Variants in ATG4B observed in about 807,000 individuals in gnomAD.
ATG4B encodes the protein cysteine protease ATG4B.
ATG4B carries 29 observed loss-of-function variants against 56.6 expected under a neutral mutation model. The ratio of observed to expected loss-of-function variants is 0.51; its 90% confidence interval spans 0.38 to 0.70. The LOEUF is 0.70. Ranked by LOEUF, ATG4B falls within the 30% of genes least tolerant of loss-of-function variation. ATG4B has a pLI of 0.00. For missense variants in ATG4B, 461 were observed against 515.5 expected (o/e 0.89, Z 1.02); for synonymous variants, 224 against 206.1 (o/e 1.09, Z -0.74).
intron 1 of ATG4B, among the ~76,000 whole-genome samples, chr2:241,643,661 TAC>T (rs1339245702): frequency 5.0e-5 from 4 of 80,590 alleles, no homozygotes; most frequent in Admixed American, 1.2e-4. Context: ...AATATATATA[TAC>T]GTGTGTGTGT....
chr2:241,654,675 C>T (rs1446728831), intron 5 of ATG4B, 28 bp downstream of exon 5: 1 of 1,554,152 alleles, frequency 6.4e-7, no homozygotes, highest in Non-Finnish European at 8.7e-7. Context: ...GTGCCAGGCC[C>T]CACCCGGGCT....
At chr2:241,643,592 A>G (rs1339172836) in intron 1 of ATG4B, among the ~76,000 whole-genome samples, 1 of 149,550 alleles carries the variant, frequency 6.7e-6, no homozygotes, top group Admixed American at 6.7e-5. Context: ...ATATGTACAT[A>G]TATATATAAA....
At chr2:241,671,587 C>T (rs1333151666) in intron 12 of ATG4B, 182 bp downstream of exon 12, 1 of 1,518,794 alleles carries the variant, frequency 6.6e-7, no homozygotes, top group Non-Finnish European at 8.8e-7. Context: ...CAAGCTTGCG[C>T]CCAGCAGCCC....
intron 10 of ATG4B, among the ~76,000 whole-genome samples, chr2:241,670,111 T>C (rs1211717519): frequency 6.6e-6 from 1 of 152,110 alleles, no homozygotes; most frequent in Non-Finnish European, 1.5e-5. Context: ...GGGAAGAGAG[T>C]GCCCAGTTTG....
intron 4 of ATG4B, among the ~76,000 whole-genome samples, chr2:241,653,959 C>T (rs1230316154): frequency 1.4e-5 from 2 of 145,772 alleles, no homozygotes; most frequent in South Asian, 4.4e-4. Flanking sequence ...CCACTGCGCT[C>T]CAGCCTCTGC....
At chr2:241,654,091 A>G (rs1483527965) in intron 4 of ATG4B, among the ~76,000 whole-genome samples, 1 of 151,956 alleles carries the variant, frequency 6.6e-6, no homozygotes, top group Admixed American at 6.6e-5. Context: ...CTTGGCGTAT[A>G]TGTATTTGAA....
intron 1 of ATG4B, 88 bp downstream of exon 1, chr2:241,637,812 G>A (rs2125105572): frequency 2.1e-6 from 3 of 1,430,584 alleles, no homozygotes; most frequent in East Asian, 5.7e-5. Context: ...GCCGCGACTC[G>A]CCTCGGGGCA....
intron 7 of ATG4B, among the ~76,000 whole-genome samples, chr2:241,664,369 A>C (rs2068694221): frequency 6.6e-6 from 1 of 151,830 alleles, no homozygotes; most frequent in Non-Finnish European, 1.5e-5. Flanking sequence ...TCATCTCTAC[A>C]AAAAAACAAA....
intron 3 of ATG4B, chr2:241,653,227 G>T: frequency 2.0e-6 from 2 of 1,007,734 alleles, no homozygotes; most frequent in Non-Finnish European, 3.0e-6. Context: ...ATGACTTACG[G>T]GGGTCAGTGT....
intron 1 of ATG4B, among the ~76,000 whole-genome samples, chr2:241,648,502 G>A (rs867782204): frequency 1.3e-5 from 2 of 152,052 alleles, no homozygotes; most frequent in South Asian, 2.1e-4. Flanking sequence ...GGCTGAGACC[G>A]GAGAATTGAT....
chr2:241,654,277 T>C (rs1007474644), intron 4 of ATG4B, among the ~76,000 whole-genome samples: 2 of 151,736 alleles, frequency 1.3e-5, no homozygotes, highest in South Asian at 2.1e-4. Context: ...AAAAATTAGC[T>C]AGGCTTGGTG....
intron 7 of ATG4B, among the ~76,000 whole-genome samples, chr2:241,660,018 C>A (rs1246132931): frequency 1.3e-5 from 2 of 152,082 alleles, no homozygotes; most frequent in Admixed American, 1.3e-4. Flanking sequence ...GGTGAAACCC[C>A]GTCTCTACTA....
intron 1 of ATG4B, among the ~76,000 whole-genome samples, chr2:241,638,924 T>C (rs1353278472): frequency 1.3e-5 from 2 of 152,246 alleles, no homozygotes; most frequent in Non-Finnish European, 2.9e-5. Context: ...GTGTTATTGT[T>C]TGTGATGCAG....
rs765932764 is a variant in ATG4B at position 241,672,277 on chromosome 2, CG to C, written c.*18del. 3 of 1,562,062 alleles carry C rather than the reference CG, an allele frequency of 1.9e-6. No homozygotes were observed. The highest frequency in any genetic ancestry group is 2.7e-5 in the African/African-American group (2 of 73,638). ...CCTGTCCCTTTGAAAATCCTGGGGT[CG>C]GGGGTGGCACCTGTGAGAGCCTGGG... On this transcript the variant is annotated 3_prime_UTR_variant, in exon 13 of 13. Transcript: ENST00000404914.
At chr2:241,655,420 A>C in intron 6 of ATG4B, 77 bp downstream of exon 6, 1 of 1,432,696 alleles carries the variant, frequency 7.0e-7, no homozygotes, top group Non-Finnish European at 9.6e-7. Context: ...TTGAGTCTTC[A>C]TGGCTACAGG....
At position 241,651,785 on chromosome 2, in the gene ATG4B, C is replaced by CTT. The variant is rs1338579944; in HGVS notation, c.184+455_184+456dup. 1.4e-5 allele frequency: 11 copies of CTT among 795,806 alleles called. No homozygotes were observed. Among genetic ancestry groups the CTT allele is most frequent in the Non-Finnish European group, 1.3e-5 (7 of 538,404 alleles). The allele number at this position is 795,806 out of a possible 1,614,324, so 49.3% of individuals were successfully genotyped here. On this transcript the variant is annotated intron_variant, in intron 3 of 12. Transcript: ENST00000404914. This position sits in a 1 kb window ranked among gnomAD's most constrained non-coding sequence, Gnocchi z 4.1. ...GGAAGCCATTCTCTGTAGCCCTCAT[C>CTT]TTTTTTAGTATTTTCCACACTTAAC...
At chr2:241,639,502 G>C (rs565756042) in intron 1 of ATG4B, among the ~76,000 whole-genome samples, 1 of 152,346 alleles carries the variant, frequency 6.6e-6, no homozygotes, top group East Asian at 1.9e-4. Context: ...CAGTGTTACA[G>C]CCTTCTTTGT....
Position 241,668,335 on chromosome 2 carries a change from G to A in ATG4B, c.811+114G>A. The A allele has an allele frequency of 7.1e-7, 1 of 1,398,992 alleles. No individual in the cohort carries two copies. The highest frequency in any genetic ancestry group is 1.4e-5 in the African/African-American group (1 of 69,956). The allele number at this position is 1,398,992 out of a possible 1,614,324, so 86.7% of individuals were successfully genotyped here. A position where few individuals can be genotyped will look rare whatever the true frequency, so the allele number is the denominator to read the frequency against. ...GAGGCCACTGGTGGAAAAGCAGCAT[G>A]CCCTGGGGTTCATTTTCAGCCTGGT... On this transcript the variant is annotated intron_variant, in intron 9 of 12. Coordinates refer to ENST00000404914, the MANE Select transcript of ATG4B (RefSeq NM_013325.5). This position sits in a 1 kb window ranked among gnomAD's most constrained non-coding sequence, Gnocchi z 4.2.
In ATG4B at chr2:241,646,963, T is replaced by C. The variant is rs556399803; in HGVS notation, c.11-4047T>C. 1.6e-4 allele frequency among the ~76,000 whole-genome samples: 24 copies of C among 152,136 alleles called. No homozygotes were observed. In the South Asian group the frequency reaches 2.5e-3, roughly 16 times the overall value. ...ATGCCCGAGTAACTTTTTGTGTTTT[T>C]AATAGAGATGGGATTTCACCATGTT... On this transcript the variant is annotated intron_variant, in intron 1 of 12. Transcript: ENST00000404914.
Sources: gnomAD v4.1 joint callset for allele counts (sites outside exome capture counted in the v4.1 genomes callset) on GRCh38, gnomAD v4.1.1 for gene constraint, Gnocchi (gnomAD v3.1) non-coding constraint, MANE v1.5 for transcripts, NCBI Gene and HGNC (gene_info 2026-07-23, HGNC 2026-07-21) for gene names.